The following PTPRQ variants were observed in gnomAD, a reference collection of about 807,000 sequenced individuals.
The protein encoded by PTPRQ is protein tyrosine phosphatase receptor type Q.
PTPRQ carries 199 observed loss-of-function variants against 246.0 expected under a neutral mutation model. The ratio of observed to expected loss-of-function variants is 0.81; its 90% confidence interval spans 0.72 to 0.91. The LOEUF (loss-of-function observed/expected upper bound fraction) is 0.91. Ranked by LOEUF, PTPRQ falls within the 40% of genes least tolerant of loss-of-function variation. The probability of loss-of-function intolerance (pLI) is 0.00; values close to 1 mark genes in which losing one functional copy is unlikely to be tolerated. For synonymous variants in PTPRQ, 869 were observed against 853.2 expected, an observed-to-expected ratio of 1.02 and a Z score of -0.32; for missense variants, 2,624 against 2,528.4, an observed-to-expected ratio of 1.04 and a Z score of -0.81.
chr12:80,639,692 G>A (rs1236357015), intron 35 of PTPRQ, among the ~76,000 whole-genome samples: 1 of 152,088 alleles, frequency 6.6e-6, no homozygotes, highest in Admixed American at 6.6e-5. Flanking sequence ...TTCTACATAT[G>A]TACTTTGTAA....
At chr12:80,535,620 A>ATGG (rs1200214404) in intron 19 of PTPRQ, among the ~76,000 whole-genome samples, 3 of 152,172 alleles carry the variant, frequency 2.0e-5, no homozygotes, top group Non-Finnish European at 2.9e-5. Flanking sequence ...CAGTTTGTAG[A>ATGG]TGGGCACTCT....
chr12:80,561,618 A>G (rs995605308), intron 25 of PTPRQ: 2 of 148,922 alleles, frequency 1.3e-5, no homozygotes, highest in African/African-American at 5.0e-5. Flanking sequence ...CTGCACAGCC[A>G]CTGGCTTCTC....
intron 14 of PTPRQ, among the ~76,000 whole-genome samples, chr12:80,503,127 A>G (rs527529958): frequency 6.6e-6 from 1 of 151,966 alleles, no homozygotes; most frequent in African/African-American, 2.4e-5. Flanking sequence ...CCTACACCCT[A>G]TCGTTAGTGA....
Position 80,613,786 on chromosome 12 carries a change from G to A in PTPRQ, c.5113G>A (p.Val1705Ile), listed in dbSNP as rs566874843. 284 of 1,541,524 alleles carry A rather than the reference G, an allele frequency of 1.8e-4. 3 individuals are homozygous for A. In the South Asian group the frequency reaches 3.2e-3, roughly 18 times the overall value. ...TATTATACAGAAAACCAACACATTC[G>A]TCATTGCAATGCTAGAAGGACTAAA... ...LSIIQKTNTFVIAMLEGLKGG... is the reference protein window; with the variant it reads ...LSIIQKTNTFIIAMLEGLKGG... Residue 1705 changes from valine (V) to isoleucine (I), a missense_variant, in exon 29 of 45, where the codon GTC becomes ATC. Coordinates refer to ENST00000644991, the MANE Select transcript of PTPRQ (RefSeq NM_001145026.2).
rs866505153 is a variant in PTPRQ, at chr12:80,619,393, G to A, written c.5240G>A (p.Arg1747Gln). The change falls in exon 31 of 45, where the codon CGA (arginine) becomes CAA (glutamine). Residue 1747 changes from arginine (R) to glutamine (Q), a missense_variant. Arg to Gln is a conservative substitution (Grantham distance 43, BLOSUM62 1). Coordinates refer to ENST00000644991, the MANE Select transcript of PTPRQ (RefSeq NM_001145026.2). ...TCTTCTTTGTTTATAGCTCCAGCACGACCAAAAACCAAACCAACCCCTATT... is the reference window on the plus strand; with the variant it reads ...TCTTCTTTGTTTATAGCTCCAGCACAACCAAAAACCAAACCAACCCCTATT... ...RITMDIKAPA[R>Q]PKTKPTPIYD... 1.5e-5 allele frequency: 23 copies of A among 1,546,556 alleles called. No homozygotes were observed. Among genetic ancestry groups the A allele is most frequent in the East Asian group, 4.9e-5 (2 of 40,742 alleles).
intron 8 of PTPRQ, among the ~76,000 whole-genome samples, 174 bp from the exon 9 acceptor site, chr12:80,484,259 G>T (rs577366360): frequency 6.6e-6 from 1 of 152,058 alleles, no homozygotes; most frequent in South Asian, 2.1e-4. Flanking sequence ...GGCCTCCCTT[G>T]GCCTCCCAAA....
chr12:80,567,392 C>T (rs1208052114), intron 25 of PTPRQ, among the ~76,000 whole-genome samples: 2 of 152,098 alleles, frequency 1.3e-5, no homozygotes, highest in Non-Finnish European at 2.9e-5. Context: ...GTGACATGTA[C>T]AGAACTTGTG....
intron 35 of PTPRQ, among the ~76,000 whole-genome samples, chr12:80,647,889 G>GA (rs946036326): frequency 2.4e-5 from 3 of 126,090 alleles, no homozygotes; most frequent in Non-Finnish European, 5.9e-5. Context: ...CTTTCTGCTT[G>GA]GGGGGCACCC....
chr12:80,668,955 A>G (rs762519774), intron 39 of PTPRQ, 52 bp from the exon 40 acceptor site: 423 of 1,484,014 alleles, frequency 2.9e-4, no homozygotes, highest in Non-Finnish European at 3.7e-4. Flanking sequence ...GAAAACTAAA[A>G]CACTGTATCT....
chr12:80,535,038 G>T lies in PTPRQ; in HGVS notation c.2985+1G>T, dbSNP rs918638616. 4 of 1,507,744 alleles carry T rather than the reference G, an allele frequency of 2.7e-6. No homozygotes were observed. The African/African-American group carries it at 4.3e-5, about 16-fold the overall frequency. The allele number at this position is 1,507,744 out of a possible 1,614,324, so 93.4% of individuals were successfully genotyped here. ...AAATACTTCAGGTACTTTTATGCAG[G>T]TAAGAACTGAATTTTCTTCTAGTTC... On this transcript the variant is annotated splice_donor_variant, in intron 19 of 44. Coordinates refer to ENST00000644991, the MANE Select transcript of PTPRQ (RefSeq NM_001145026.2). LOFTEE classifies it high-confidence loss of function.
rs1308483921 is a variant in PTPRQ, at chr12:80,669,034, G to A, written c.6220G>A (p.Ala2074Thr). Residue 2074 changes from alanine to threonine, a missense_variant, in exon 40 of 45, where the codon GCT becomes ACT. By Grantham distance (58) the Ala-to-Thr change is moderately conservative. Coordinates refer to ENST00000644991, the MANE Select transcript of PTPRQ (RefSeq NM_001145026.2). ...TTATTTATGTCCAAATGAATTTATTGCTACTCAAGGTCCACTACCAGGAAC... is the reference window on the plus strand; with the variant it reads ...TTATTTATGTCCAAATGAATTTATTACTACTCAAGGTCCACTACCAGGAAC... ...SGYLCPNEFIATQGPLPGTVG... is the reference protein window; with the variant it reads ...SGYLCPNEFITTQGPLPGTVG... 6.5e-7 allele frequency: 1 copy of A among 1,549,892 alleles called. No homozygotes were observed. The highest frequency in any genetic ancestry group is 8.7e-7 in the Non-Finnish European group (1 of 1,145,800).
At chr12:80,555,722 GTT>G (rs1260058930) in intron 25 of PTPRQ, among the ~76,000 whole-genome samples, 1 of 152,078 alleles carries the variant, frequency 6.6e-6, no homozygotes, top group Non-Finnish European at 1.5e-5. Context: ...AAATTCAGGT[GTT>G]TTATACAGTA....
At chr12:80,552,029 T>G (rs1441943177) in intron 25 of PTPRQ, among the ~76,000 whole-genome samples, 1 of 152,134 alleles carries the variant, frequency 6.6e-6, no homozygotes, top group Admixed American at 6.6e-5. Flanking sequence ...AAGCCTTTAA[T>G]GGCATTTCTG....
intron 38 of PTPRQ, among the ~76,000 whole-genome samples, chr12:80,657,736 T>A (rs1900490228): frequency 6.6e-6 from 1 of 151,782 alleles, no homozygotes; most frequent in Non-Finnish European, 1.5e-5. Flanking sequence ...TATCACTCCA[T>A]TTGTAGCTAA....
intron 14 of PTPRQ, among the ~76,000 whole-genome samples, chr12:80,496,947 A>G (rs1592583498): frequency 6.6e-6 from 1 of 151,852 alleles, no homozygotes; most frequent in East Asian, 2.0e-4. Context: ...GCATGCCTGG[A>G]GAAGACTTAT....
intron 25 of PTPRQ, among the ~76,000 whole-genome samples, chr12:80,550,232 T>G (rs7315595): frequency 0.37 from 56,877 of 151,958 alleles, 14,694 homozygotes; most frequent in African/African-American, 0.74. Flanking sequence ...CAAGACGAAA[T>G]TCTCACCTTC....
chr12:80,480,902 A>G (rs1341035026), intron 8 of PTPRQ, among the ~76,000 whole-genome samples: 1 of 152,216 alleles, frequency 6.6e-6, no homozygotes, highest in African/African-American at 2.4e-5. Context: ...AACCAAAAAG[A>G]GTCCAGGACC....
chr12:80,570,201 A>C (rs764636942), intron 25 of PTPRQ, among the ~76,000 whole-genome samples: 1 of 152,232 alleles, frequency 6.6e-6, no homozygotes, highest in African/African-American at 2.4e-5. Context: ...TCCTACGAAC[A>C]GTATAAAAGT....
At position 80,616,545 on chromosome 12, in the gene PTPRQ, C is replaced by T. The variant is rs547972586; in HGVS notation, c.5230+279C>T. ...ATTTTTAAAGACAAATTTTATAGTC[C>T]GTTATTTGATGTTTCTTTAAATGTT... On this transcript the variant is annotated intron_variant, in intron 30 of 44. Transcript: ENST00000644991. Among the ~76,000 whole-genome samples the T allele has an allele frequency of 1.8e-4, 27 of 149,700 alleles. No individual in the cohort carries two copies. The East Asian group carries it at 4.3e-3, about 24-fold the overall frequency.
Sources: gnomAD v4.1 joint callset for allele counts (sites outside exome capture counted in the v4.1 genomes callset) on GRCh38, gnomAD v4.1.1 for gene constraint, MANE v1.5 for transcripts, NCBI Gene and HGNC (gene_info 2026-07-23, HGNC 2026-07-21) for gene names.